Variants in DYM observed in about 807,000 individuals in gnomAD.
The protein encoded by DYM is dymeclin.
Under a neutral mutation model 93.1 loss-of-function variants are expected in DYM, and 78 were observed. That is an observed-to-expected ratio of 0.84 (90% confidence interval 0.70 to 1.01). The LOEUF is 1.01. Ranked by LOEUF, DYM falls within the 50% of genes least tolerant of loss-of-function variation. DYM has a pLI of 0.00. For synonymous variants in DYM, 321 were observed against 319.7 expected, an observed-to-expected ratio of 1.00 and a Z score of -0.04; for missense variants, 789 against 845.0, an observed-to-expected ratio of 0.93 and a Z score of 0.82.
chr18:49,441,212 AT>A (rs1283324068), intron 1 of DYM, among the ~76,000 whole-genome samples: 2 of 27,574 alleles, frequency 7.3e-5, no homozygotes, highest in African/African-American at 2.3e-4. Context: ...TATTATATAT[AT>A]TATATATAAT....
chr18:49,379,547 T>G, intron 4 of DYM, 118 bp downstream of exon 4: 2 of 897,114 alleles, frequency 2.2e-6, no homozygotes, highest in South Asian at 1.5e-5. Flanking sequence ...TTCTTAATAA[T>G]GAGAATAATT....
In DYM at chr18:49,436,474, T is replaced by C. The variant is rs190818366; in HGVS notation, c.-53-6027A>G. Among the ~76,000 whole-genome samples the C allele has an allele frequency of 2.1e-4, 32 of 152,330 alleles. No individual in the cohort carries two copies. The East Asian group carries it at 5.6e-3, about 27-fold the overall frequency. ...GTCTTCCACCACCTCCTTAAGGATATTGCTAGTTCCTTTTTAGCCAAAGCT... is the reference window on the plus strand; with the variant it reads ...GTCTTCCACCACCTCCTTAAGGATACTGCTAGTTCCTTTTTAGCCAAAGCT... On this transcript the variant is annotated intron_variant, in intron 1 of 17. Coordinates refer to ENST00000675505, the MANE Select transcript of DYM (RefSeq NM_001353214.3).
At chr18:49,183,896 C>T (rs1725828526) in intron 14 of DYM, among the ~76,000 whole-genome samples, 1 of 151,894 alleles carries the variant, frequency 6.6e-6, no homozygotes, top group African/African-American at 2.4e-5. Context: ...CACCACAGAT[C>T]TCTCTCTCTG....
intron 11 of DYM, 93 bp downstream of exon 11, chr18:49,272,085 T>A: frequency 9.2e-7 from 1 of 1,084,398 alleles, no homozygotes; most frequent in Admixed American, 1.9e-5. Context: ...CACAGGAACA[T>A]CTACCAGAAA....
At chr18:49,302,307 T>C (rs1421055247) in intron 8 of DYM, among the ~76,000 whole-genome samples, 1 of 152,182 alleles carries the variant, frequency 6.6e-6, no homozygotes, top group East Asian at 1.9e-4. Flanking sequence ...AATGATACCA[T>C]TAAGCCATCA....
chr18:49,106,634 G>C (rs1208456841), intron 16 of DYM, among the ~76,000 whole-genome samples: 2 of 152,162 alleles, frequency 1.3e-5, no homozygotes, highest in Non-Finnish European at 2.9e-5. Flanking sequence ...TTGCTTGTCT[G>C]TAAAGGATTT....
At chr18:49,140,447 G>C (rs1478722876) in intron 15 of DYM, among the ~76,000 whole-genome samples, 1 of 152,112 alleles carries the variant, frequency 6.6e-6, no homozygotes, top group East Asian at 1.9e-4. Flanking sequence ...AATAATTCCA[G>C]TGTTATGATG....
At chr18:49,310,812 A>C (rs1339458196) in intron 8 of DYM, among the ~76,000 whole-genome samples, 1 of 152,192 alleles carries the variant, frequency 6.6e-6, no homozygotes, top group Non-Finnish European at 1.5e-5. Flanking sequence ...AAAGAAGGTA[A>C]AGCATTCTAG....
intron 8 of DYM, among the ~76,000 whole-genome samples, chr18:49,294,608 C>A (rs1279409384): frequency 6.6e-6 from 1 of 151,822 alleles, no homozygotes; most frequent in Non-Finnish European, 1.5e-5. Flanking sequence ...AAATAATAAT[C>A]AAGGAAAAAA....
intron 2 of DYM, among the ~76,000 whole-genome samples, chr18:49,405,871 T>C (rs1159563135): frequency 6.6e-6 from 1 of 152,226 alleles, no homozygotes; most frequent in East Asian, 1.9e-4. Flanking sequence ...GGAATGTTTT[T>C]CCATTTGTTT....
chr18:49,208,199 A>AAAAAT (rs2092616361), intron 14 of DYM, among the ~76,000 whole-genome samples: 2 of 151,384 alleles, frequency 1.3e-5, no homozygotes, highest in East Asian at 3.9e-4. Flanking sequence ...AAAAAAAAAA[A>AAAAAT]AAAAATTAAA....
chr18:49,118,722 AAAT>A lies in DYM; in HGVS notation c.1911+19_1911+21del. 1 of 1,599,918 alleles carries A rather than the reference AAAT, an allele frequency of 6.3e-7. No homozygotes were observed. Among genetic ancestry groups the A allele is most frequent in the Non-Finnish European group, 8.6e-7 (1 of 1,167,242 alleles). On this transcript the variant is annotated intron_variant, in intron 16 of 17. Coordinates refer to ENST00000675505, the MANE Select transcript of DYM (RefSeq NM_001353214.3). ...TTAATACTTAAAAAAGAATCATAAT[AAAT>A]GTCTTCATTTACACTCACCAGATCA...
intron 13 of DYM, among the ~76,000 whole-genome samples, chr18:49,215,534 C>A (rs1021759802): frequency 1.3e-5 from 2 of 152,180 alleles, no homozygotes; most frequent in Non-Finnish European, 2.9e-5. Flanking sequence ...TCATCCCACC[C>A]TTGATACTGG....
At chr18:49,155,877 T>C (rs1965844) in intron 15 of DYM, among the ~76,000 whole-genome samples, 117,269 of 152,154 alleles carry the variant, frequency 0.77, 45,339 homozygotes, top group Non-Finnish European at 0.8. Flanking sequence ...TATGAACATG[T>C]GCATTTTCAG....
At chr18:49,327,899 C>A (rs374001277) in intron 8 of DYM, among the ~76,000 whole-genome samples, 1 of 152,158 alleles carries the variant, frequency 6.6e-6, no homozygotes, top group South Asian at 2.1e-4. Flanking sequence ...CTGCTGGATA[C>A]TGCAGGGGAC....
chr18:49,292,498 G>A (rs1248419615), intron 8 of DYM, among the ~76,000 whole-genome samples: 1 of 148,396 alleles, frequency 6.7e-6, no homozygotes, highest in East Asian at 2.0e-4. Flanking sequence ...CCATAATACT[G>A]GACAAAGATT....
At position 49,164,967 on chromosome 18, in the gene DYM, A is replaced by C. The variant is rs1249156183; in HGVS notation, c.1626-1180T>G. On this transcript the variant is annotated intron_variant, in intron 14 of 17. Coordinates refer to ENST00000675505, the MANE Select transcript of DYM (RefSeq NM_001353214.3). The stretch of plus-strand genomic sequence containing the variant: ...TATAAATGCACTAAACACTCCAGTT[A>C]AATGTCAGAGATTTTCAGACTGGAT... Among the ~76,000 whole-genome samples, 3 of 152,214 alleles carry C rather than the reference A, an allele frequency of 2.0e-5. No homozygotes were observed. In the East Asian group the frequency reaches 5.8e-4, roughly 29 times the overall value.
chr18:49,178,428 C>T (rs573831532), intron 14 of DYM, among the ~76,000 whole-genome samples: 25 of 152,276 alleles, frequency 1.6e-4, no homozygotes, highest in African/African-American at 5.3e-4. Context: ...GTCTTTACTT[C>T]AAACTCCTAA....
chr18:49,192,100 T>C (rs372001318), intron 14 of DYM, among the ~76,000 whole-genome samples: 1 of 136,578 alleles, frequency 7.3e-6, no homozygotes, highest in Non-Finnish European at 1.6e-5. Flanking sequence ...GGCTAATTTT[T>C]TTTTTTTTTT....
Sources: gnomAD v4.1 joint callset for allele counts (sites outside exome capture counted in the v4.1 genomes callset) on GRCh38, gnomAD v4.1.1 for gene constraint, MANE v1.5 for transcripts, NCBI Gene and HGNC (gene_info 2026-07-23, HGNC 2026-07-21) for gene names.